The following NUMB variants were observed in gnomAD, a reference collection of about 807,000 sequenced individuals.
NUMB encodes the protein NUMB endocytic adaptor protein.
Under a neutral mutation model 59.7 loss-of-function variants are expected in NUMB, and 29 were observed. The ratio of observed to expected loss-of-function variants is 0.49; its 90% CI spans 0.36 to 0.66. The LOEUF is 0.66. Among genes scored for constraint, NUMB ranks in the 30% least tolerant of loss-of-function variants. The probability of loss-of-function intolerance (pLI) is 0.00; values close to 1 mark genes in which losing one functional copy is unlikely to be tolerated. For synonymous variants in NUMB, 288 were observed against 288.2 expected (o/e 1.00, Z 0.01); for missense variants, 723 against 822.0 (o/e 0.88, Z 1.47).
chr14:73,429,672 G>A (rs1300236349), intron 1 of NUMB, among the ~76,000 whole-genome samples: 2 of 152,080 alleles, frequency 1.3e-5, no homozygotes, highest in Non-Finnish European at 2.9e-5. Context: ...CTGTGTGGCT[G>A]TAGCTCACAC....
rs542857391 is a variant in NUMB at position 73,453,610 on chromosome 14, C to CT, written c.-233+4882dup. ...TGTTACATTACTAAAACAAATTTTC[C>CT]TTTTTTTTTTTTTTCAAAACAAAGT... On this transcript the variant is annotated intron_variant, in intron 1 of 12. Transcript: ENST00000555238. Among the ~76,000 whole-genome samples, 1,269 of 137,098 alleles carry CT rather than the reference C, an allele frequency of 9.3e-3. 15 individuals are homozygous for CT. The highest frequency in any genetic ancestry group is 0.025 in the African/African-American group (926 of 37,560). The allele number at this position is 137,098 out of a possible 152,430, so 89.9% of individuals were successfully genotyped here.
chr14:73,300,653 G>A (rs759463779), intron 6 of NUMB, among the ~76,000 whole-genome samples: 1 of 151,956 alleles, frequency 6.6e-6, no homozygotes, highest in Middle Eastern at 3.2e-3. Context: ...TACCTCATAG[G>A]GTTACTGTGA....
chr14:73,388,039 C>G (rs1307652470), intron 2 of NUMB, among the ~76,000 whole-genome samples: 4 of 151,176 alleles, frequency 2.6e-5, no homozygotes, highest in Non-Finnish European at 4.4e-5. Context: ...ACCAGGAGGT[C>G]AAGGCTGCAG....
At chr14:73,277,956 G>T (rs1357851055) in intron 12 of NUMB, among the ~76,000 whole-genome samples, 1 of 148,916 alleles carries the variant, frequency 6.7e-6, no homozygotes, top group African/African-American at 2.5e-5. Flanking sequence ...TACTCGGGAG[G>T]CTGAGGCAAG....
At chr14:73,345,879 C>T (rs1263307112) in intron 4 of NUMB, among the ~76,000 whole-genome samples, 1 of 151,736 alleles carries the variant, frequency 6.6e-6, no homozygotes, top group Non-Finnish European at 1.5e-5. Context: ...GTGTACTCCG[C>T]CCTGGGGGAC....
chr14:73,446,604 C>CAAA (rs1281721972), intron 1 of NUMB, among the ~76,000 whole-genome samples: 1 of 97,596 alleles, frequency 1.0e-5, no homozygotes, highest in African/African-American at 3.4e-5. Context: ...GACTTTGTCT[C>CAAA]AAAAAAAAAA....
rs1453584857 is a variant in NUMB at position 73,279,334 on chromosome 14, G to GGGTT, written c.1183_1186dup (p.Pro396GlnfsTer8). 2 of 1,613,848 alleles carry GGGTT rather than the reference G, an allele frequency of 1.2e-6. No individual in the cohort carries two copies. The highest frequency in any genetic ancestry group is 4.5e-5 in the East Asian group (2 of 44,894). On this transcript the variant is annotated frameshift_variant, in exon 12 of 13. Transcript: ENST00000555238. LOFTEE classifies it high-confidence loss of function. ...AGCAGCATCAGGGGCATGGGCCCAA[G>GGGTT]GGTTGGTTTCACGCACAGGCATTGC...
chr14:73,351,404 G>A (rs771575524), intron 4 of NUMB, among the ~76,000 whole-genome samples: 190 of 152,256 alleles, frequency 1.2e-3, no homozygotes, highest in African/African-American at 4.0e-3. Flanking sequence ...CCCTAGAGGC[G>A]GAGGTTGCAG....
At chr14:73,279,978 G>A (rs909012323) in intron 11 of NUMB, among the ~76,000 whole-genome samples, 5 of 152,112 alleles carry the variant, frequency 3.3e-5, no homozygotes, top group African/African-American at 4.8e-5. Flanking sequence ...CCAACGTGGC[G>A]AAACCCCGTC....
chr14:73,430,978 A>C (rs751650638), intron 1 of NUMB, among the ~76,000 whole-genome samples: 4 of 151,678 alleles, frequency 2.6e-5, no homozygotes, highest in Non-Finnish European at 5.9e-5. Context: ...TTGTTCTTTG[A>C]GACAGAATCT....
intron 2 of NUMB, among the ~76,000 whole-genome samples, chr14:73,368,292 C>T (rs978453034): frequency 3.3e-5 from 5 of 151,862 alleles, no homozygotes; most frequent in Non-Finnish European, 7.4e-5. Flanking sequence ...CACAGCAATT[C>T]GGGCCGGGCA....
At chr14:73,451,451 A>C (rs997146799) in intron 1 of NUMB, among the ~76,000 whole-genome samples, 5 of 149,382 alleles carry the variant, frequency 3.3e-5, no homozygotes, top group Non-Finnish European at 7.4e-5. Context: ...AAAAAAAAAA[A>C]ACCTACAACA....
chr14:73,428,032 A>T (rs953973717), intron 1 of NUMB, among the ~76,000 whole-genome samples: 2 of 152,190 alleles, frequency 1.3e-5, no homozygotes, highest in African/African-American at 4.8e-5. Context: ...AGTGTTATGG[A>T]ATCTCTCATA....
intron 2 of NUMB, among the ~76,000 whole-genome samples, chr14:73,374,740 T>C (rs1894867491): frequency 6.7e-6 from 1 of 148,470 alleles, no homozygotes; most frequent in Non-Finnish European, 1.5e-5. Flanking sequence ...TTTTTTTTTT[T>C]GAGACAGAGT....
chr14:73,446,722 G>C (rs561331614), intron 1 of NUMB, among the ~76,000 whole-genome samples: 1 of 151,268 alleles, frequency 6.6e-6, no homozygotes, highest in African/African-American at 2.4e-5. Flanking sequence ...AGCAGCTCAA[G>C]ACTAGCCTCG....
intron 4 of NUMB, among the ~76,000 whole-genome samples, chr14:73,354,429 T>C (rs1893652698): frequency 6.7e-6 from 1 of 149,958 alleles, no homozygotes; most frequent in Non-Finnish European, 1.5e-5. Flanking sequence ...GAGAATCGCT[T>C]GAACCTAGGA....
rs77750351 is a variant in NUMB, at chr14:73,326,801, T to C, written c.127-3597A>G. ...ACCTACTGTGTGCCAGAAACTGTGC[T>C]GGATGCTTTATATATTTTGTCTAAC... On this transcript the variant is annotated intron_variant, in intron 4 of 12. Coordinates refer to ENST00000555238, the MANE Select transcript of NUMB (RefSeq NM_001005743.2). 4.5e-3 allele frequency among the ~76,000 whole-genome samples: 689 copies of C among 152,290 alleles called. 4 individuals are homozygous for C. Among genetic ancestry groups the C allele is most frequent in the African/African-American group, 0.016 (668 of 41,554 alleles).
chr14:73,432,639 A>G (rs1026394973), intron 1 of NUMB, among the ~76,000 whole-genome samples: 2 of 152,244 alleles, frequency 1.3e-5, no homozygotes, highest in Admixed American at 1.3e-4. Flanking sequence ...ATGTTTATTA[A>G]CATTCAATAC....
At chr14:73,410,347 TA>T (rs542137150) in intron 1 of NUMB, among the ~76,000 whole-genome samples, 125 of 152,310 alleles carry the variant, frequency 8.2e-4, no homozygotes, top group Non-Finnish European at 1.4e-3. Flanking sequence ...TCTCCGTGCA[TA>T]AGTCTGATAC....
Sources: gnomAD v4.1 joint callset for allele counts (sites outside exome capture counted in the v4.1 genomes callset) on GRCh38, gnomAD v4.1.1 for gene constraint, MANE v1.5 for transcripts, NCBI Gene and HGNC (gene_info 2026-07-23, HGNC 2026-07-21) for gene names.